SPTA1: variants seen among roughly 807,000 people sequenced by gnomAD.
The protein encoded by SPTA1 is spectrin alpha chain, erythrocytic 1.
In SPTA1, 177 loss-of-function variants were observed where a neutral mutation model predicts 324.7. The observed-to-expected ratio is 0.55, with a 90% CI of 0.48 to 0.62. The LOEUF is 0.62. Ranked by LOEUF, SPTA1 falls within the 20% of genes least tolerant of loss-of-function variation. SPTA1 has a pLI of 0.00. For missense variants in SPTA1, 3,162 were observed against 2,883.6 expected (o/e 1.10, Z -2.21); for synonymous variants, 1,195 against 1,041.3 (o/e 1.15, Z -2.84).
chr1:158,662,679 C>G, intron 17 of SPTA1, 23 bp downstream of exon 17: 1 of 1,613,322 alleles, frequency 6.2e-7, no homozygotes, highest in Non-Finnish European at 8.5e-7. Flanking sequence ...CCTAGTGGCT[C>G]AGCCTGCTCA....
At chr1:158,615,565 T>C (rs2852634) in intron 47 of SPTA1, among the ~76,000 whole-genome samples, 162 bp from the exon 48 acceptor site, 34,819 of 152,098 alleles carry the variant, frequency 0.23, 4,683 homozygotes, top group East Asian at 0.44. Context: ...TCTATAGTCC[T>C]CATTTATAAA....
intron 8 of SPTA1, among the ~76,000 whole-genome samples, chr1:158,675,482 G>A (rs1654330177): frequency 6.6e-6 from 1 of 152,102 alleles, no homozygotes; most frequent in Non-Finnish European, 1.5e-5. Context: ...CTGATCACAG[G>A]AGTCTCCCTT....
Position 158,674,424 on chromosome 1 carries a change from T to A in SPTA1, c.1255A>T (p.Ile419Phe), listed in dbSNP as rs1254242129. 1 of 1,614,086 alleles carries A rather than the reference T, an allele frequency of 6.2e-7. No homozygotes were observed. Among genetic ancestry groups the A allele is most frequent in the East Asian group, 2.2e-5 (1 of 44,874 alleles). ...TGAAATCGGTCATCGTAAGAGTCAATCTCATGCTGTGGCCACAAAACAAAG... is the reference window on the plus strand; with the variant it reads ...TGAAATCGGTCATCGTAAGAGTCAAACTCATGCTGTGGCCACAAAACAAAG... ...LDRHQQHKHE[I>F]DSYDDRFQSA... is the part of the protein sequence containing the mutation. The change falls in exon 10 of 52, where the codon ATT (isoleucine) becomes TTT (phenylalanine). Residue 419 changes from isoleucine to phenylalanine, a missense_variant. Physicochemically the swap from Ile to Phe is conservative, Grantham distance 21. Coordinates refer to ENST00000643759, the MANE Select transcript of SPTA1 (RefSeq NM_003126.4).
chr1:158,638,672 C>T (rs1019875726), intron 35 of SPTA1, among the ~76,000 whole-genome samples: 14 of 140,100 alleles, frequency 1.0e-4, no homozygotes, highest in South Asian at 4.6e-4. Flanking sequence ...AAAAATTAGC[C>T]GGGCATGCTG....
chr1:158,654,219 G>A (rs16840443), intron 21 of SPTA1, among the ~76,000 whole-genome samples: 15,017 of 152,070 alleles, frequency 0.099, 2,450 homozygotes, highest in African/African-American at 0.34. Context: ...CTCATCTTTT[G>A]GTAGGCTCCT....
At chr1:158,670,324 A>C (rs1187485422) in intron 12 of SPTA1, among the ~76,000 whole-genome samples, 2 of 152,244 alleles carry the variant, frequency 1.3e-5, no homozygotes, top group Non-Finnish European at 1.5e-5. Flanking sequence ...AGAGCTCAGA[A>C]TTAATTGATT....
intron 7 of SPTA1, among the ~76,000 whole-genome samples, chr1:158,677,043 C>T (rs325998): frequency 0.099 from 15,127 of 152,188 alleles, 1,018 homozygotes; most frequent in Non-Finnish European, 0.16. Flanking sequence ...AATTAAATTA[C>T]AGCAAATGTG....
chr1:158,618,151 A>G, intron 45 of SPTA1, 95 bp from the exon 46 acceptor site: 1 of 1,322,280 alleles, frequency 7.6e-7, no homozygotes, highest in Non-Finnish European at 1.1e-6. Flanking sequence ...CCTCAGATTT[A>G]TGAAACATTT....
In SPTA1 at chr1:158,676,123, A is replaced by G. The variant is rs1477675495; in HGVS notation, c.1112+18T>C. The stretch of plus-strand genomic sequence containing the variant: ...CCTGTAGAGATAGGTAGAGCAATAA[A>G]GGGGAGGGATTTCCCACCAATAAGT... On this transcript the variant is annotated intron_variant, in intron 8 of 51. Coordinates refer to ENST00000643759, the MANE Select transcript of SPTA1 (RefSeq NM_003126.4). 1.2e-6 allele frequency: 2 copies of G among 1,613,192 alleles called. No homozygotes were observed. The highest frequency in any genetic ancestry group is 2.2e-5 in the South Asian group (2 of 91,054).
intron 46 of SPTA1, 24 bp from the exon 47 acceptor site, chr1:158,617,612 A>G (rs1649634765): frequency 1.3e-6 from 2 of 1,591,696 alleles, no homozygotes; most frequent in Non-Finnish European, 1.7e-6. Flanking sequence ...GAAGGAAATC[A>G]TTATGCATCA....
intron 25 of SPTA1, among the ~76,000 whole-genome samples, chr1:158,648,964 C>T (rs901891863): frequency 6.6e-6 from 1 of 152,312 alleles, no homozygotes; most frequent in Non-Finnish European, 1.5e-5. Context: ...ACCAGGCCAT[C>T]TGACAGCAGT....
chr1:158,646,999 C>T (rs1557954047), intron 27 of SPTA1, among the ~76,000 whole-genome samples: 1 of 152,164 alleles, frequency 6.6e-6, no homozygotes, highest in Non-Finnish European at 1.5e-5. Context: ...TCTCTTACTA[C>T]TTCTCCTTAC....
intron 26 of SPTA1, 93 bp from the exon 27 acceptor site, chr1:158,647,813 A>G (rs1200611473): frequency 1.5e-6 from 2 of 1,344,384 alleles, no homozygotes; most frequent in African/African-American, 2.9e-5. Context: ...CAGCTCCTCA[A>G]ATAGATATCA....
chr1:158,664,747 A>T (rs907401102), intron 16 of SPTA1, among the ~76,000 whole-genome samples: 5 of 152,238 alleles, frequency 3.3e-5, no homozygotes, highest in Non-Finnish European at 5.9e-5. Flanking sequence ...ATTTCTTAGG[A>T]CATTTTTGTA....
intron 42 of SPTA1, among the ~76,000 whole-genome samples, chr1:158,625,510 T>C (rs1160060615): frequency 6.6e-6 from 1 of 151,924 alleles, no homozygotes; most frequent in Non-Finnish European, 1.5e-5. Context: ...TGGATATAAA[T>C]CAAGTTTCTG....
intron 7 of SPTA1, 141 bp from the exon 8 acceptor site, chr1:158,676,436 T>A: frequency 3.6e-6 from 3 of 838,760 alleles, no homozygotes; most frequent in Non-Finnish European, 3.7e-6. Flanking sequence ...ATTAATATAC[T>A]AATGTACTAC....
intron 39 of SPTA1, among the ~76,000 whole-genome samples, chr1:158,629,220 T>C (rs1302871558): frequency 6.7e-6 from 1 of 150,130 alleles, no homozygotes; most frequent in African/African-American, 2.5e-5. Context: ...TATCTATCTA[T>C]CTATCTGAAT....
chr1:158,635,166 C>T (rs1650977575), intron 38 of SPTA1, among the ~76,000 whole-genome samples: 1 of 152,156 alleles, frequency 6.6e-6, no homozygotes, highest in African/African-American at 2.4e-5. Flanking sequence ...CCACCCAAAT[C>T]TCATCTTGAA....
At position 158,639,943 on chromosome 1, in the gene SPTA1, T is replaced by C. The variant is rs1326399541; in HGVS notation, c.4802A>G (p.Lys1601Arg). 1 of 1,613,850 alleles carries C rather than the reference T, an allele frequency of 6.2e-7. No individual in the cohort carries two copies. The highest frequency in any genetic ancestry group is 8.5e-7 in the Non-Finnish European group (1 of 1,179,940). Residue 1601 changes from lysine (K) to arginine (R), a missense_variant, in exon 34 of 52, where the codon AAG becomes AGG. Coordinates refer to ENST00000643759, the MANE Select transcript of SPTA1 (RefSeq NM_003126.4). ...TTGACGACTGGCCTCATTGAGCTTC[T>C]TCCCTTTGTCATTTGTTCTCTCAAG... ...HLLERTNDKG[K>R]KLNEASRQQR...
Sources: gnomAD v4.1 joint callset for allele counts (sites outside exome capture counted in the v4.1 genomes callset) on GRCh38, gnomAD v4.1.1 for gene constraint, MANE v1.5 for transcripts, NCBI Gene and HGNC (gene_info 2026-07-23, HGNC 2026-07-21) for gene names.